PTPRE: variants seen among roughly 807,000 people sequenced by gnomAD.
PTPRE encodes the protein protein tyrosine phosphatase receptor type E.
PTPRE carries 51 observed loss-of-function variants against 102.0 expected under a neutral mutation model. That is an observed-to-expected ratio of 0.50 (90% CI 0.40 to 0.63). PTPRE has a LOEUF of 0.63. Ranked by LOEUF, PTPRE falls within the 30% of genes least tolerant of loss-of-function variation. PTPRE has a pLI of 0.00. For missense variants in PTPRE, 752 were observed against 915.1 expected, an observed-to-expected ratio of 0.82 and a Z score of 2.30; for synonymous variants, 345 against 348.2, an observed-to-expected ratio of 0.99 and a Z score of 0.10.
intron 2 of PTPRE, among the ~76,000 whole-genome samples, chr10:127,996,632 T>C (rs12242650): frequency 0.066 from 10,056 of 152,250 alleles, 1,066 homozygotes; most frequent in African/African-American, 0.22. Flanking sequence ...GGCTTCAGCC[T>C]CCAGCCTTGT....
At chr10:127,930,193 T>C (rs1847323012) in intron 1 of PTPRE, among the ~76,000 whole-genome samples, 1 of 152,016 alleles carries the variant, frequency 6.6e-6, no homozygotes, top group African/African-American at 2.4e-5. Context: ...AAATGCAGAG[T>C]TGTATAACCA....
intron 1 of PTPRE, among the ~76,000 whole-genome samples, chr10:127,954,584 A>G (rs1849267871): frequency 6.6e-6 from 1 of 152,136 alleles, no homozygotes; most frequent in Non-Finnish European, 1.5e-5. Context: ...TAGTCTTACC[A>G]TGTTCTTCAT....
chr10:128,021,283 G>A (rs1845859181), intron 2 of PTPRE, among the ~76,000 whole-genome samples: 2 of 152,172 alleles, frequency 1.3e-5, no homozygotes, highest in East Asian at 1.9e-4. Context: ...AAGTGGCAGA[G>A]GGCATTCATT....
chr10:127,955,171 C>A (rs1314318409), intron 1 of PTPRE, among the ~76,000 whole-genome samples: 2 of 152,122 alleles, frequency 1.3e-5, no homozygotes, highest in Non-Finnish European at 1.5e-5. Context: ...TTGGAAGTTA[C>A]AACAAACCAA....
intron 17 of PTPRE, among the ~76,000 whole-genome samples, chr10:128,076,299 G>C (rs1195513284): frequency 6.6e-6 from 1 of 152,156 alleles, no homozygotes; most frequent in Non-Finnish European, 1.5e-5. Context: ...GGTAGGGAAT[G>C]AGTCAGGGAT....
chr10:127,970,608 G>C (rs1303059574), intron 1 of PTPRE, among the ~76,000 whole-genome samples: 1 of 151,898 alleles, frequency 6.6e-6, no homozygotes, highest in Non-Finnish European at 1.5e-5. Flanking sequence ...ACACAGTAGA[G>C]CCACCGATGA....
chr10:127,991,840 T>C (rs1040350034), intron 2 of PTPRE, among the ~76,000 whole-genome samples: 1 of 152,204 alleles, frequency 6.6e-6, no homozygotes, highest in South Asian at 2.1e-4. Context: ...CCGGAGGTAC[T>C]TGTGGCCACC....
Position 128,082,902 on chromosome 10 carries a change from A to G in PTPRE, c.2099A>G (p.Lys700Arg). The stretch of plus-strand genomic sequence containing the variant: ...ATATTTTCTGATTATGCTAATTTCA[A>G]ATGAAGATTCCTGCCTTAAAATATT... ...IDIFSDYANF[K>R] is the part of the protein sequence containing the mutation. Residue 700 changes from lysine to arginine, a missense_variant, in exon 21 of 21, where the codon AAA (lysine) becomes AGA (arginine). Lys to Arg is a conservative substitution (Grantham distance 26, BLOSUM62 2). Coordinates refer to ENST00000254667, the MANE Select transcript of PTPRE (RefSeq NM_006504.6). 6.4e-7 allele frequency: 1 copy of G among 1,556,138 alleles called. No homozygotes were observed. The highest frequency in any genetic ancestry group is 8.6e-7 in the Non-Finnish European group (1 of 1,159,428).
chr10:128,050,123 A>T (rs1242716948), intron 6 of PTPRE, among the ~76,000 whole-genome samples: 3 of 127,360 alleles, frequency 2.4e-5, no homozygotes, highest in Non-Finnish European at 4.7e-5. Flanking sequence ...TTAATGAAGC[A>T]GCTGTGAGCT....
intron 1 of PTPRE, among the ~76,000 whole-genome samples, chr10:127,979,226 G>A (rs1851422501): frequency 6.6e-6 from 1 of 152,108 alleles, no homozygotes; most frequent in Admixed American, 6.5e-5. Flanking sequence ...ATGAGTGGAA[G>A]GATGTTGTGT....
chr10:127,956,698 G>A (rs865927975), intron 1 of PTPRE, among the ~76,000 whole-genome samples: 2 of 152,212 alleles, frequency 1.3e-5, no homozygotes, highest in Non-Finnish European at 2.9e-5. Flanking sequence ...CAATAAATGA[G>A]AGTTCCTGTT....
chr10:128,040,955 C>G lies in PTPRE; in HGVS notation c.74C>G (p.Thr25Ser), dbSNP rs371825910. The G allele has an allele frequency of 2.5e-6, 4 of 1,613,956 alleles. No homozygotes were observed. In the African/African-American group the frequency reaches 4.0e-5, roughly 16 times the overall value. Residue 25 changes from threonine (T) to serine (S), a missense_variant, in exon 3 of 21, where the codon ACC becomes AGC. Physicochemically the swap from Thr to Ser is moderately conservative, Grantham distance 58. Coordinates refer to ENST00000254667, the MANE Select transcript of PTPRE (RefSeq NM_006504.6). ...PLARALRGNE[T>S]TADSNETTTT... Reference sequence around the variant, plus strand: ...GCCAGGGCTCTCAGGGGCAACGAGACCACTGCCGACAGCAACGAGACAACC... The same window carrying G: ...GCCAGGGCTCTCAGGGGCAACGAGAGCACTGCCGACAGCAACGAGACAACC...
intron 2 of PTPRE, among the ~76,000 whole-genome samples, chr10:128,018,131 T>C (rs1458479089): frequency 6.6e-6 from 1 of 151,080 alleles, no homozygotes; most frequent in Non-Finnish European, 1.5e-5. Flanking sequence ...GAGGGGTGCC[T>C]GTTCCGGAGG....
intron 10 of PTPRE, among the ~76,000 whole-genome samples, chr10:128,063,452 A>G (rs758483555): frequency 2.6e-5 from 4 of 152,200 alleles, no homozygotes; most frequent in African/African-American, 7.2e-5. Context: ...GGCTGGCCCC[A>G]TGGCTCTGCC....
At chr10:127,945,854 G>A (rs567966555) in intron 1 of PTPRE, among the ~76,000 whole-genome samples, 8 of 152,120 alleles carry the variant, frequency 5.3e-5, no homozygotes, top group African/African-American at 1.2e-4. Flanking sequence ...CTGTGGGGTC[G>A]CTGACATCAT....
intron 1 of PTPRE, among the ~76,000 whole-genome samples, chr10:127,955,317 C>CATAT (rs1554899002): frequency 4.0e-5 from 6 of 151,828 alleles, no homozygotes; most frequent in African/African-American, 1.5e-4. Flanking sequence ...TACATACATA[C>CATAT]ATACATATAT....
chr10:127,926,622 C>A (rs1847028526), intron 1 of PTPRE, among the ~76,000 whole-genome samples: 1 of 152,026 alleles, frequency 6.6e-6, no homozygotes, highest in South Asian at 2.1e-4. Context: ...GAGGTTTAGA[C>A]TCTGCTCCAC....
At chr10:127,969,149 C>A (rs114162015) in intron 1 of PTPRE, among the ~76,000 whole-genome samples, 95 of 152,316 alleles carry the variant, frequency 6.2e-4, no homozygotes, top group African/African-American at 2.1e-3. Context: ...ACACTAAATT[C>A]GGAAGGCGAA....
intron 1 of PTPRE, among the ~76,000 whole-genome samples, chr10:127,933,202 A>G (rs1184652790): frequency 6.6e-6 from 1 of 152,184 alleles, no homozygotes. Context: ...TTTGATGGAA[A>G]AAAACAGGAC....
Sources: allele counts gnomAD v4.1 joint callset (sites outside exome capture counted in the v4.1 genomes callset), GRCh38; gene constraint gnomAD v4.1.1; transcripts MANE v1.5; gene names NCBI Gene and HGNC (gene_info 2026-07-23, HGNC 2026-07-21).